The following EYS variants were observed in gnomAD, a reference collection of about 807,000 sequenced individuals.
The protein encoded by EYS is protein eyes shut homolog.
EYS carries 250 observed loss-of-function variants against 282.1 expected under a neutral mutation model. The observed-to-expected ratio is 0.89, with a 90% CI of 0.80 to 0.98. The LOEUF is 0.98. Among genes scored for constraint, EYS ranks in the 50% least tolerant of loss-of-function variants. The pLI is 0.00. For synonymous variants in EYS, 1,355 were observed against 1,282.9 expected (o/e 1.06, Z -1.20); for missense variants, 4,016 against 3,709.0 (o/e 1.08, Z -2.15).
chr6:65,157,288 A>G (rs566227249), intron 12 of EYS, among the ~76,000 whole-genome samples: 11 of 151,096 alleles, frequency 7.3e-5, no homozygotes, highest in African/African-American at 2.7e-4. Context: ...TCTTGATGTA[A>G]ACGATACATT....
intron 13 of EYS, among the ~76,000 whole-genome samples, chr6:65,008,506 G>A (rs532711975): frequency 2.6e-5 from 4 of 152,116 alleles, no homozygotes; most frequent in African/African-American, 4.8e-5. Context: ...TCAGGCAAGC[G>A]GACTTCGGAG....
At chr6:63,924,773 A>G (rs1764669688) in intron 35 of EYS, among the ~76,000 whole-genome samples, 1 of 152,244 alleles carries the variant, frequency 6.6e-6, no homozygotes, top group African/African-American at 2.4e-5. Context: ...GAATGAATAA[A>G]CTAGATTTTC....
intron 12 of EYS, among the ~76,000 whole-genome samples, chr6:65,088,135 T>A (rs1272296313): frequency 1.3e-5 from 2 of 152,150 alleles, no homozygotes; most frequent in Admixed American, 6.5e-5. Context: ...CTTCTTTCCT[T>A]TGTAAATTAC....
chr6:63,977,529 C>T (rs940255734), intron 35 of EYS, among the ~76,000 whole-genome samples: 12 of 151,980 alleles, frequency 7.9e-5, no homozygotes, highest in African/African-American at 2.9e-4. Context: ...TTGAGGGCCT[C>T]TTAAGCTTCA....
chr6:65,131,615 AT>A, intron 12 of EYS, among the ~76,000 whole-genome samples: 1 of 151,828 alleles, frequency 6.6e-6, no homozygotes, highest in Non-Finnish European at 1.5e-5. Flanking sequence ...AAGTGCTGAC[AT>A]CAAAATGTTA....
chr6:64,445,866 C>A (rs948730271), intron 26 of EYS, among the ~76,000 whole-genome samples: 2 of 152,160 alleles, frequency 1.3e-5, no homozygotes, highest in African/African-American at 4.8e-5. Flanking sequence ...TCAGCTCCCA[C>A]TGAGAGCTAT....
chr6:65,443,409 T>C (rs571742256), intron 5 of EYS, among the ~76,000 whole-genome samples: 1 of 149,118 alleles, frequency 6.7e-6, no homozygotes, highest in East Asian at 2.0e-4. Context: ...TATGTACACA[T>C]ATAGCCATAT....
rs138379246 is a variant in EYS, at chr6:65,443,005, T to C, written c.863-37638A>G. 2.1e-3 allele frequency among the ~76,000 whole-genome samples: 293 copies of C among 138,522 alleles called. 4 individuals carry two copies. The highest frequency in any genetic ancestry group is 0.018 in the East Asian group (81 of 4,422). 90.9% of individuals were successfully genotyped at this position (138,522 alleles called of 152,430 possible). ...ACATATGTGCGTATATGTATATATG[T>C]ACACATATCTGTAAATATACACACA... On this transcript the variant is annotated intron_variant, in intron 5 of 42. Coordinates refer to ENST00000503581, the MANE Select transcript of EYS (RefSeq NM_001142800.2).
At chr6:64,376,938 T>G (rs1445379664) in intron 29 of EYS, among the ~76,000 whole-genome samples, 1 of 152,132 alleles carries the variant, frequency 6.6e-6, no homozygotes, top group Admixed American at 6.5e-5. Flanking sequence ...CTACCTCACC[T>G]TAAAACACTG....
At chr6:63,959,705 CT>C (rs1477808217) in intron 35 of EYS, among the ~76,000 whole-genome samples, 1 of 152,128 alleles carries the variant, frequency 6.6e-6, no homozygotes, top group East Asian at 1.9e-4. Flanking sequence ...TGATCATGTC[CT>C]TTGCAGGGAC....
intron 19 of EYS, among the ~76,000 whole-genome samples, chr6:64,851,254 G>A (rs1437786985): frequency 6.6e-6 from 1 of 152,010 alleles, no homozygotes; most frequent in African/African-American, 2.4e-5. Context: ...ATGACTTGAG[G>A]CAATAGAGTT....
In EYS at chr6:65,515,421, C is replaced by A. The variant is rs1767086727; in HGVS notation, c.-332-19428G>T. Among the ~76,000 whole-genome samples, 4 of 151,988 alleles carry A rather than the reference C, an allele frequency of 2.6e-5. No individual in the cohort carries two copies. In the South Asian group the frequency reaches 8.3e-4, roughly 32 times the overall value. ...ATCTAGAACTAGAAATACCATTTGA[C>A]CCAGCCATCCCATTACTGGGTATAT... On this transcript the variant is annotated intron_variant, in intron 2 of 42. Coordinates refer to ENST00000503581, the MANE Select transcript of EYS (RefSeq NM_001142800.2).
chr6:64,100,107 G>A (rs779164587), intron 31 of EYS, among the ~76,000 whole-genome samples: 1 of 151,418 alleles, frequency 6.6e-6, no homozygotes, highest in Non-Finnish European at 1.5e-5. Flanking sequence ...CTGATATTTA[G>A]CTTCTCTGTG....
chr6:64,599,153 GC>G (rs1253298231), intron 24 of EYS, among the ~76,000 whole-genome samples: 1 of 152,086 alleles, frequency 6.6e-6, no homozygotes, highest in Non-Finnish European at 1.5e-5. Context: ...ATTATAGGAA[GC>G]CATTGGAATA....
chr6:64,969,997 A>G (rs867749006), intron 14 of EYS, among the ~76,000 whole-genome samples: 2 of 152,190 alleles, frequency 1.3e-5, no homozygotes, highest in African/African-American at 4.8e-5. Flanking sequence ...TATAATAAGA[A>G]TGTAATACAG....
rs193258276 is a variant in EYS at position 64,732,231 on chromosome 6, G to A, written c.3443+81147C>T. 8.0e-5 allele frequency among the ~76,000 whole-genome samples: 11 copies of A among 137,898 alleles called. No homozygotes were observed. The East Asian group carries it at 3.2e-3, about 40-fold the overall frequency. The allele number at this position is 137,898 out of a possible 152,430, so 90.5% of individuals were successfully genotyped here. A position where few individuals can be genotyped will look rare whatever the true frequency, so the allele number is the denominator to read the frequency against. ...TGTTGGTGATGGGTTGCTGGGTGCAGCAAACCACCGTGGCACGTGTATACC... is the reference window on the plus strand; with the variant it reads ...TGTTGGTGATGGGTTGCTGGGTGCAACAAACCACCGTGGCACGTGTATACC... On this transcript the variant is annotated intron_variant, in intron 22 of 42. Coordinates refer to ENST00000503581, the MANE Select transcript of EYS (RefSeq NM_001142800.2).
intron 2 of EYS, among the ~76,000 whole-genome samples, chr6:65,569,899 C>T (rs1444763736): frequency 6.6e-6 from 1 of 152,124 alleles, no homozygotes; most frequent in Non-Finnish European, 1.5e-5. Context: ...AGCTCTTTCT[C>T]TATTTTAATT....
At chr6:65,547,199 A>G (rs987278193) in intron 2 of EYS, among the ~76,000 whole-genome samples, 3 of 149,744 alleles carry the variant, frequency 2.0e-5, no homozygotes, top group African/African-American at 7.4e-5. Context: ...TATAGAGTTG[A>G]GCTCATCTAG....
At chr6:64,825,912 T>C (rs1765042280) in intron 19 of EYS, among the ~76,000 whole-genome samples, 1 of 151,508 alleles carries the variant, frequency 6.6e-6, no homozygotes, top group African/African-American at 2.4e-5. Context: ...CACATATATA[T>C]ATATATATAT....
Sources: allele counts gnomAD v4.1 joint callset (sites outside exome capture counted in the v4.1 genomes callset), GRCh38; gene constraint gnomAD v4.1.1; transcripts MANE v1.5; gene names NCBI Gene and HGNC (gene_info 2026-07-23, HGNC 2026-07-21).